The following PRDM2 variants were observed in gnomAD, a reference collection of about 807,000 sequenced individuals.
PRDM2 encodes PR/SET domain 2.
In PRDM2, 30 loss-of-function variants were observed where a neutral mutation model predicts 130.0. The observed-to-expected ratio is 0.23, with a 90% CI of 0.17 to 0.31. The LOEUF is 0.31. Among genes scored for constraint, PRDM2 ranks in the 10% least tolerant of loss-of-function variants. PRDM2 has a pLI of 1.00. For missense variants in PRDM2, 2,011 were observed against 2,108.4 expected (o/e 0.95, Z 0.90); for synonymous variants, 871 against 782.4 (o/e 1.11, Z -1.89).
intron 1 of PRDM2, among the ~76,000 whole-genome samples, chr1:13,703,980 C>G (rs1407464679): frequency 6.6e-6 from 1 of 152,172 alleles, no homozygotes; most frequent in Non-Finnish European, 1.5e-5. Flanking sequence ...GTTCATTGAT[C>G]TTTGTGGAAA....
At chr1:13,766,463 C>A (rs776211563) in intron 6 of PRDM2, among the ~76,000 whole-genome samples, 1 of 152,152 alleles carries the variant, frequency 6.6e-6, no homozygotes, top group Non-Finnish European at 1.5e-5. Flanking sequence ...TAGTGATAGC[C>A]ATGGGAATTG....
rs1263199306 is a variant in PRDM2 at position 13,782,153 on chromosome 1, C to A, written c.4358C>A (p.Ser1453Tyr). The A allele has an allele frequency of 6.2e-7, 1 of 1,613,772 alleles. No homozygotes were observed. The highest frequency in any genetic ancestry group is 2.2e-5 in the East Asian group (1 of 44,894). The change falls in exon 8 of 10, where the codon TCC becomes TAC. Residue 1453 changes from serine (S) to tyrosine (Y), a missense_variant. Ser to Tyr is a moderately radical substitution (Grantham distance 144). Coordinates refer to ENST00000311066, the MANE Select transcript of PRDM2 (RefSeq NM_001393986.1). ...KADLKNACES[S>Y]SHICPYCNRE... ...GACTTGAAAAATGCTTGTGAGTCAT[C>A]CTCTCACATCTGCCCTTACTGTAAT...
intron 8 of PRDM2, among the ~76,000 whole-genome samples, chr1:13,785,142 A>G (rs1340090279): frequency 2.0e-5 from 3 of 152,152 alleles, no homozygotes; most frequent in African/African-American, 7.2e-5. Flanking sequence ...CTCAGTGCAT[A>G]TTTGTTGCAT....
At chr1:13,796,857 C>T (rs1644930466) in intron 8 of PRDM2, among the ~76,000 whole-genome samples, 1 of 152,190 alleles carries the variant, frequency 6.6e-6, no homozygotes, top group Non-Finnish European at 1.5e-5. Flanking sequence ...TTAAGTATAA[C>T]ACACCGTATA....
At chr1:13,714,425 A>G (rs1467452412) in intron 1 of PRDM2, among the ~76,000 whole-genome samples, 1 of 151,486 alleles carries the variant, frequency 6.6e-6, no homozygotes, top group African/African-American at 2.4e-5. Context: ...ATGCAATCTC[A>G]TGGAATACAT....
chr1:13,788,159 G>A (rs1644778753), intron 8 of PRDM2: 2 of 903,770 alleles, frequency 2.2e-6, no homozygotes, highest in Non-Finnish European at 2.6e-6. Context: ...ATTGTTCAGA[G>A]CCCGCACTCT....
intron 9 of PRDM2, among the ~76,000 whole-genome samples, chr1:13,820,796 GC>G (rs980589039): frequency 2.9e-4 from 43 of 149,342 alleles, no homozygotes; most frequent in Non-Finnish European, 5.2e-4. Context: ...TGGGGGACTG[GC>G]AAGATGGCTC....
At chr1:13,714,523 A>G (rs1020358413) in intron 1 of PRDM2, among the ~76,000 whole-genome samples, 2 of 152,164 alleles carry the variant, frequency 1.3e-5, no homozygotes, top group African/African-American at 2.4e-5. Flanking sequence ...TGATCAGGTG[A>G]GTGGTTAAAT....
chr1:13,778,774 T>G lies in PRDM2; in HGVS notation c.979T>G (p.Ser327Ala). ...TTTATTAGAGGAACCAAAAACAACT[T>G]CAGAAGAAACTCTTGAAGACTGCTC... ...EDLLEEPKTT[S>A]EETLEDCSEV... is the part of the protein sequence containing the mutation. The change falls in exon 8 of 10, where the codon TCA becomes GCA. Residue 327 changes from serine (S) to alanine (A), a missense_variant. By Grantham distance (99) the Ser-to-Ala change is moderately conservative. Coordinates refer to ENST00000311066, the MANE Select transcript of PRDM2 (RefSeq NM_001393986.1). 6 of 1,613,922 alleles carry G rather than the reference T, an allele frequency of 3.7e-6. No homozygotes were observed. The highest frequency in any genetic ancestry group is 5.1e-6 in the Non-Finnish European group (6 of 1,180,012).
chr1:13,735,392 C>T (rs1008822790), intron 4 of PRDM2, among the ~76,000 whole-genome samples: 9 of 152,188 alleles, frequency 5.9e-5, no homozygotes, highest in African/African-American at 1.7e-4. Flanking sequence ...TCTCCCCATC[C>T]GCACTGAGTA....
chr1:13,703,685 A>G (rs745863376), intron 1 of PRDM2, among the ~76,000 whole-genome samples: 1 of 152,256 alleles, frequency 6.6e-6, no homozygotes, highest in Non-Finnish European at 1.5e-5. Flanking sequence ...TAAATTATGA[A>G]ATTTGAATAA....
In PRDM2 at chr1:13,726,445, C is replaced by T. The variant is rs181916393; in HGVS notation, c.10-4555C>T. On this transcript the variant is annotated intron_variant, in intron 2 of 9. Coordinates refer to ENST00000311066, the MANE Select transcript of PRDM2 (RefSeq NM_001393986.1). ...GGGAGCAGGAACAGAGAAGTTCTTC[C>T]TCTAGCCAGTGGGCTTCATGAGGAG... 5.9e-5 allele frequency among the ~76,000 whole-genome samples: 9 copies of T among 152,234 alleles called. 1 individual carries two copies. Among genetic ancestry groups the T allele is most frequent in the Admixed American group, 4.6e-4 (7 of 15,292 alleles).
chr1:13,820,030 G>A (rs1645323051), intron 9 of PRDM2, among the ~76,000 whole-genome samples: 1 of 152,180 alleles, frequency 6.6e-6, no homozygotes, highest in African/African-American at 2.4e-5. Flanking sequence ...AGTTCAGGAA[G>A]GTGTGTGCAG....
Position 13,808,028 on chromosome 1 carries a change from C to T in PRDM2, c.5037-8399C>T, listed in dbSNP as rs528563376. 9.2e-5 allele frequency among the ~76,000 whole-genome samples: 14 copies of T among 152,288 alleles called. No homozygotes were observed. The East Asian group carries it at 1.9e-3, about 21-fold the overall frequency. ...AAGTAAAATGTCCAGAAATTTCCCT[C>T]CTAGAGTAGGCAGTAGAGCACACTT... On this transcript the variant is annotated intron_variant, in intron 8 of 9. Coordinates refer to ENST00000311066, the MANE Select transcript of PRDM2 (RefSeq NM_001393986.1).
chr1:13,709,151 T>G (rs1221376206), intron 1 of PRDM2, among the ~76,000 whole-genome samples: 1 of 148,174 alleles, frequency 6.7e-6, no homozygotes. Flanking sequence ...AGTTTACAGT[T>G]TTTTTTTTTT....
At chr1:13,734,707 T>G (rs1319857942) in intron 4 of PRDM2, among the ~76,000 whole-genome samples, 2 of 152,184 alleles carry the variant, frequency 1.3e-5, no homozygotes, top group African/African-American at 2.4e-5. Context: ...AAATCTTTGA[T>G]AAGAATCCTA....
At chr1:13,770,614 G>T (rs1417765463) in intron 6 of PRDM2, among the ~76,000 whole-genome samples, 1 of 151,962 alleles carries the variant, frequency 6.6e-6, no homozygotes, top group Non-Finnish European at 1.5e-5. Flanking sequence ...TGTGTGTGAG[G>T]TTTATGCAAG....
Position 13,778,587 on chromosome 1 carries a change from T to C in PRDM2, c.792T>C (p.Asn264=). ...ERLEAAACEV[N]DLGEEEEEEE... ...TAGAAGCGGCAGCTTGTGAGGTGAATGATTTGGGGGAAGAGGAGGAGGAGG... is the reference window on the plus strand; with the variant it reads ...TAGAAGCGGCAGCTTGTGAGGTGAACGATTTGGGGGAAGAGGAGGAGGAGG... Residue 264 remains asparagine (N), a synonymous_variant, in exon 8 of 10, where the codon AAT becomes AAC. Transcript: ENST00000311066. 1.2e-6 allele frequency: 2 copies of C among 1,613,270 alleles called. No homozygotes were observed. The highest frequency in any genetic ancestry group is 1.3e-5 in the African/African-American group (1 of 74,692).
intron 6 of PRDM2, among the ~76,000 whole-genome samples, chr1:13,760,393 A>G (rs1481219134): frequency 6.6e-6 from 1 of 152,006 alleles, no homozygotes; most frequent in African/African-American, 2.4e-5. Flanking sequence ...CTTGGGCTTC[A>G]GTGTTGCTTT....
Sources: allele counts gnomAD v4.1 joint callset (sites outside exome capture counted in the v4.1 genomes callset), GRCh38; gene constraint gnomAD v4.1.1; transcripts MANE v1.5; gene names NCBI Gene and HGNC (gene_info 2026-07-23, HGNC 2026-07-21).